Variants in TMPRSS9 observed in about 807,000 individuals in gnomAD.
TMPRSS9 encodes the protein transmembrane protease serine 9.
Under a neutral mutation model 111.4 loss-of-function variants are expected in TMPRSS9, and 113 were observed. That is an observed-to-expected ratio of 1.01 (90% confidence interval 0.87 to 1.19). TMPRSS9 has a LOEUF of 1.19. Ranked by LOEUF, TMPRSS9 falls within the 50% of genes most tolerant of loss-of-function variation. The pLI is 0.00. For synonymous variants in TMPRSS9, 805 were observed against 659.1 expected, an observed-to-expected ratio of 1.22 and a Z score of -3.39; for missense variants, 1,803 against 1,513.1, an observed-to-expected ratio of 1.19 and a Z score of -3.18.
chr19:2,375,369 T>TG (rs1787122683), intron 1 of TMPRSS9, among the ~76,000 whole-genome samples: 1 of 151,424 alleles, frequency 6.6e-6, no homozygotes, highest in East Asian at 1.9e-4. Context: ...GATGGAGGGG[T>TG]GGGCCCTGTG....
intron 1 of TMPRSS9, among the ~76,000 whole-genome samples, chr19:2,370,420 CAA>C (rs1307653420): frequency 0.14 from 9,689 of 70,862 alleles, 1,156 homozygotes; most frequent in African/African-American, 0.37. Context: ...GACTCTGTCT[CAA>C]AAAAAAAAAA....
At chr19:2,394,696 T>C (rs1445028397) in intron 1 of TMPRSS9, among the ~76,000 whole-genome samples, 1 of 152,200 alleles carries the variant, frequency 6.6e-6, no homozygotes, top group South Asian at 2.1e-4. Context: ...ATCTAGCATA[T>C]CTATCCATTT....
chr19:2,396,648 G>A (rs1227664226), exon 2 of TMPRSS9: 2 of 1,608,712 alleles, frequency 1.2e-6, no homozygotes, highest in African/African-American at 1.3e-5. Flanking sequence ...GCACGCTGAC[G>A]CCCACCCTGG....
intron 1 of TMPRSS9, among the ~76,000 whole-genome samples, chr19:2,368,784 T>TG (rs1970266745): frequency 9.1e-6 from 1 of 109,824 alleles, no homozygotes; most frequent in African/African-American, 4.7e-5. Context: ...GTTTTTTTTT[T>TG]TTTTTTTTTT....
chr19:2,372,268 C>G (rs1408091364), intron 1 of TMPRSS9, among the ~76,000 whole-genome samples: 1 of 152,114 alleles, frequency 6.6e-6, no homozygotes, highest in Non-Finnish European at 1.5e-5. Flanking sequence ...TCCTACTGAT[C>G]TCTTTGGTTT....
At chr19:2,411,299 CAAAAAAAAAAAAAAAAA>C (rs771305642) in intron 9 of TMPRSS9, among the ~76,000 whole-genome samples, 7,107 of 32,918 alleles carry the variant, frequency 0.22, 441 homozygotes, top group South Asian at 0.29. Flanking sequence ...GACTCTGTCT[CAAAAAAAAAAAAAAAAA>C]AAAAAAAAAA....
intron 1 of TMPRSS9, among the ~76,000 whole-genome samples, chr19:2,392,988 G>A (rs560447087): frequency 4.6e-5 from 7 of 152,238 alleles, no homozygotes; most frequent in Admixed American, 1.3e-4. Context: ...AGCACCCTGC[G>A]TCTAGCTCAG....
intron 1 of TMPRSS9, among the ~76,000 whole-genome samples, chr19:2,391,312 C>G (rs1185613564): frequency 1.4e-5 from 2 of 142,800 alleles, no homozygotes; most frequent in African/African-American, 2.7e-5. Context: ...GGGAGAAATG[C>G]TCTCGTGTGG....
At chr19:2,375,739 G>C (rs1344214656) in intron 1 of TMPRSS9, among the ~76,000 whole-genome samples, 1 of 152,178 alleles carries the variant, frequency 6.6e-6, no homozygotes, top group Non-Finnish European at 1.5e-5. Context: ...ACCCCACCAG[G>C]ACAGCAGGGA....
At position 2,418,154 on chromosome 19, in the gene TMPRSS9, G is replaced by C. The variant is rs1412633649; in HGVS notation, c.2154+16G>C. On this transcript the variant is annotated intron_variant, in intron 13 of 17. Coordinates refer to ENST00000648592, the Ensembl canonical transcript of TMPRSS9. ...CTCCTGCCAGGTAAGCATTCAAAGG[G>C]GGAAAGCGGGCAATATTTCCATGAA... 2 of 1,600,748 alleles carry C rather than the reference G, an allele frequency of 1.2e-6. No individual in the cohort carries two copies. The highest frequency in any genetic ancestry group is 1.4e-5 in the African/African-American group (1 of 73,854).
exon 18 of TMPRSS9, chr19:2,426,113 G>A: frequency 1.3e-6 from 2 of 1,519,264 alleles, no homozygotes; most frequent in Non-Finnish European, 1.8e-6. Flanking sequence ...CCCAGGCCGA[G>A]ACTCTACGTG....
chr19:2,377,447 C>T (rs1970345637), intron 1 of TMPRSS9, among the ~76,000 whole-genome samples: 1 of 127,942 alleles, frequency 7.8e-6, no homozygotes, highest in Non-Finnish European at 1.6e-5. Flanking sequence ...CCTTTCTTTC[C>T]TTCTCCCCTC....
At chr19:2,371,781 C>T (rs1451825057) in intron 1 of TMPRSS9, among the ~76,000 whole-genome samples, 1 of 151,988 alleles carries the variant, frequency 6.6e-6, no homozygotes, top group Non-Finnish European at 1.5e-5. Context: ...CACCCCAAAG[C>T]AAACTGACTC....
At position 2,403,201 on chromosome 19, in the gene TMPRSS9, T is replaced by G. The variant is rs201340781; in HGVS notation, c.670+6T>G. 1 of 1,598,580 alleles carries G rather than the reference T, an allele frequency of 6.3e-7. No homozygotes were observed. The highest frequency in any genetic ancestry group is 8.5e-7 in the Non-Finnish European group (1 of 1,173,680). On this transcript the variant is annotated splice_donor_region_variant and intron_variant, in intron 6 of 17. Coordinates refer to ENST00000648592, the Ensembl canonical transcript of TMPRSS9. ...GTCCGACGAGGCGCACTGCGGTCAGTCTGCCTGTCTGGCCTGGTCTCTGGG... is the reference window on the plus strand; with the variant it reads ...GTCCGACGAGGCGCACTGCGGTCAGGCTGCCTGTCTGGCCTGGTCTCTGGG...
chr19:2,404,931 C>CA (rs1044091377), intron 6 of TMPRSS9, among the ~76,000 whole-genome samples: 3,793 of 76,480 alleles, frequency 0.05, 145 homozygotes, highest in African/African-American at 0.12. Context: ...GACTCCATCT[C>CA]AAAAAAAAAA....
rs976753414 is a variant in TMPRSS9, at chr19:2,425,834, G to A, written c.3121-93G>A. ...AGTGAAAATGCGGCTCCCAGGGGAA[G>A]TCACTAGGGTCACTCCTAGAGGGGC... On this transcript the variant is annotated intron_variant, in intron 17 of 17. Coordinates refer to ENST00000648592, the Ensembl canonical transcript of TMPRSS9. 15 of 1,452,630 alleles carry A rather than the reference G, an allele frequency of 1.0e-5. No homozygotes were observed. The African/African-American group carries it at 1.4e-4, about 14-fold the overall frequency. 90.0% of individuals were successfully genotyped at this position (1,452,630 alleles called of 1,614,324 possible).
rs1460506947 is a variant in TMPRSS9, at chr19:2,425,001, G to T, written c.2718-1G>T. On this transcript the variant is annotated splice_acceptor_variant, in intron 15 of 17. Transcript: ENST00000648592. LOFTEE classifies it high-confidence loss of function. ...GACGCCTGTCCTCGCGCGCCCCGCA[G>T]CTACGGGGACCCCAAGCAGTGGGCG... is the stretch of plus-strand genomic sequence containing the variant. 1 of 1,523,564 alleles carries T rather than the reference G, an allele frequency of 6.6e-7. No homozygotes were observed. The highest frequency in any genetic ancestry group is 8.8e-7 in the Non-Finnish European group (1 of 1,141,044). The allele number at this position is 1,523,564 out of a possible 1,614,324, so 94.4% of individuals were successfully genotyped here.
chr19:2,390,237 T>G (rs1397403169), intron 1 of TMPRSS9, among the ~76,000 whole-genome samples: 1 of 130,132 alleles, frequency 7.7e-6, no homozygotes, highest in Non-Finnish European at 1.6e-5. Flanking sequence ...AGTAGTTTTT[T>G]TTTTTGTTTT....
chr19:2,387,138 C>T (rs1202561017), upstream of TMPRSS9, among the ~76,000 whole-genome samples: 1 of 151,818 alleles, frequency 6.6e-6, no homozygotes, highest in African/African-American at 2.4e-5. Context: ...GGGTGGATCA[C>T]CTGAGGTCAG....
Sources: allele counts gnomAD v4.1 joint callset (sites outside exome capture counted in the v4.1 genomes callset), GRCh38; gene constraint gnomAD v4.1.1; transcripts MANE v1.5; gene names NCBI Gene and HGNC (gene_info 2026-07-23, HGNC 2026-07-21).